NDUFA9: variants seen among roughly 807,000 people sequenced by gnomAD.
The protein encoded by NDUFA9 is NADH dehydrogenase [ubiquinone] 1 alpha subcomplex subunit 9, mitochondrial.
NDUFA9 carries 23 observed loss-of-function variants against 45.9 expected under a neutral mutation model. The ratio of observed to expected loss-of-function variants is 0.50; its 90% CI spans 0.36 to 0.71. The LOEUF (loss-of-function observed/expected upper bound fraction) is 0.71, where lower values mean the gene tolerates loss of function less well. Ranked by LOEUF, NDUFA9 falls within the 30% of genes least tolerant of loss-of-function variation. The pLI, the probability that NDUFA9 is intolerant of heterozygous loss-of-function variation, is 0.00. For synonymous variants in NDUFA9, 176 were observed against 170.5 expected, an observed-to-expected ratio of 1.03 and a Z score of -0.25; for missense variants, 466 against 488.2, an observed-to-expected ratio of 0.95 and a Z score of 0.43.
chr12:4,666,419 G>A (rs2137472276), intron 6 of NDUFA9, among the ~76,000 whole-genome samples: 1 of 152,170 alleles, frequency 6.6e-6, no homozygotes, highest in East Asian at 1.9e-4. Context: ...TTTTACTTTT[G>A]TTGCCTGTGC....
chr12:4,651,508 T>TA (rs201830079), intron 1 of NDUFA9, among the ~76,000 whole-genome samples: 19 of 151,052 alleles, frequency 1.3e-4, no homozygotes, highest in South Asian at 6.3e-4. Context: ...CCATAATTAT[T>TA]AAAAAAAAAC....
Position 4,693,286 on chromosome 12 carries a change from G to T in NDUFA9, c.*6178G>T, listed in dbSNP as rs1197875976. On this transcript the variant is annotated 3_prime_UTR_variant, in exon 11 of 11. Transcript: ENST00000266544. The stretch of plus-strand genomic sequence containing the variant: ...CTCCATCGGACCCCAAATTGTTCTG[G>T]TCTTGTTCAGGTAATAATTTTAATT... 6.6e-6 allele frequency: 1 copy of T among 151,990 alleles called. No individual in the cohort carries two copies. The highest frequency in any genetic ancestry group is 1.5e-5 in the Non-Finnish European group (1 of 68,030). 9.4% of individuals were successfully genotyped at this position (151,990 alleles called of 1,614,324 possible).
In NDUFA9 at chr12:4,692,558, T is replaced by G. The variant is rs1282769308; in HGVS notation, c.*5450T>G. On this transcript the variant is annotated 3_prime_UTR_variant, in exon 11 of 11. Transcript: ENST00000266544. ...GCAATACAAGAATGGCCTAATCGTGTTAGGAAGAAGCCTGTCTGAAGTGCA... is the reference window on the plus strand; with the variant it reads ...GCAATACAAGAATGGCCTAATCGTGGTAGGAAGAAGCCTGTCTGAAGTGCA... The G allele has an allele frequency of 6.6e-6, 1 of 152,124 alleles. No homozygotes were observed. Among genetic ancestry groups the G allele is most frequent in the Non-Finnish European group, 1.5e-5 (1 of 68,026 alleles). 9.4% of individuals were successfully genotyped at this position (152,124 alleles called of 1,614,324 possible). A position where few individuals can be genotyped will look rare whatever the true frequency, so the allele number is the denominator to read the frequency against.
At chr12:4,686,767 T>C (rs1945989116) in intron 10 of NDUFA9, among the ~76,000 whole-genome samples, 171 bp from the exon 11 acceptor site, 1 of 152,206 alleles carries the variant, frequency 6.6e-6, no homozygotes, top group Admixed American at 6.5e-5. Context: ...TCTTTGTGTG[T>C]TCTGCTTTTA....
chr12:4,668,156 G>A (rs558467536), intron 6 of NDUFA9, among the ~76,000 whole-genome samples: 2 of 152,308 alleles, frequency 1.3e-5, no homozygotes, highest in South Asian at 4.1e-4. Context: ...TAGAATGGGT[G>A]CAGCTAGAGT....
At chr12:4,669,454 A>G (rs1289163711) in intron 7 of NDUFA9, among the ~76,000 whole-genome samples, 1 of 152,232 alleles carries the variant, frequency 6.6e-6, no homozygotes, top group Non-Finnish European at 1.5e-5. Context: ...CATTCCTACT[A>G]CAGAAAATAC....
chr12:4,659,001 G>T, intron 4 of NDUFA9, 35 bp from the exon 5 acceptor site: 2 of 1,595,790 alleles, frequency 1.3e-6, no homozygotes, highest in Non-Finnish European at 1.7e-6. Flanking sequence ...TGTGTGTGGA[G>T]TTCTTAACCA....
rs561077872 is a variant in NDUFA9 at position 4,663,888 on chromosome 12, A to T, written c.655+1253A>T. On this transcript the variant is annotated intron_variant, in intron 6 of 10. Coordinates refer to ENST00000266544, the MANE Select transcript of NDUFA9 (RefSeq NM_005002.5). ...TTAAGGGTGATTTTTGTAAGGTCTC[A>T]GATGGAAATGAGTAAGATGTCATTG... Among the ~76,000 whole-genome samples the T allele has an allele frequency of 7.9e-5, 12 of 152,318 alleles. 1 individual carries two copies. Among genetic ancestry groups the T allele is most frequent in the Admixed American group, 7.2e-4 (11 of 15,304 alleles).
At chr12:4,673,517 A>C (rs1290971712) in intron 8 of NDUFA9, among the ~76,000 whole-genome samples, 1 of 152,240 alleles carries the variant, frequency 6.6e-6, no homozygotes, top group Non-Finnish European at 1.5e-5. Flanking sequence ...CAGCACGAGA[A>C]CTTTGTGAAG....
At chr12:4,658,084 T>C (rs537123389) in intron 4 of NDUFA9, among the ~76,000 whole-genome samples, 1 of 152,320 alleles carries the variant, frequency 6.6e-6, no homozygotes, top group African/African-American at 2.4e-5. Flanking sequence ...TTGGTGTGGC[T>C]GCTGTTGGTC....
At chr12:4,671,839 A>T (rs978775920) in intron 8 of NDUFA9, among the ~76,000 whole-genome samples, 2 of 152,200 alleles carry the variant, frequency 1.3e-5, no homozygotes, top group Admixed American at 1.3e-4. Context: ...TGGTTTTGGG[A>T]TATCCACATT....
At chr12:4,676,912 T>C (rs1945923218) in intron 8 of NDUFA9, among the ~76,000 whole-genome samples, 1 of 152,208 alleles carries the variant, frequency 6.6e-6, no homozygotes, top group Non-Finnish European at 1.5e-5. Flanking sequence ...ACTACAAGGC[T>C]ACAGTAACCA....
intron 8 of NDUFA9, among the ~76,000 whole-genome samples, chr12:4,671,092 C>T (rs943107786): frequency 2.6e-5 from 4 of 152,194 alleles, no homozygotes; most frequent in African/African-American, 9.7e-5. Flanking sequence ...TTTCTCATCT[C>T]TTCAGCCCCA....
At position 4,687,956 on chromosome 12, in the gene NDUFA9, C is replaced by A. The variant is rs1945997846; in HGVS notation, c.*848C>A. On this transcript the variant is annotated 3_prime_UTR_variant, in exon 11 of 11. Transcript: ENST00000266544. ...GGGTTGGTCATTGTGTTTCACTGGA[C>A]TTCAGCCTCCTGATCTATATTTGGG... 6.6e-6 allele frequency: 1 copy of A among 152,242 alleles called. No individual in the cohort carries two copies. The highest frequency in any genetic ancestry group is 2.1e-4 in the South Asian group (1 of 4,832). 9.4% of individuals were successfully genotyped at this position (152,242 alleles called of 1,614,324 possible). A position where few individuals can be genotyped will look rare whatever the true frequency, so the allele number is the denominator to read the frequency against.
intron 8 of NDUFA9, among the ~76,000 whole-genome samples, chr12:4,670,033 A>G (rs1945876786): frequency 6.6e-6 from 1 of 152,196 alleles, no homozygotes. Flanking sequence ...ACTATTACAT[A>G]TACTTAGTCC....
At chr12:4,665,514 T>A (rs780993405) in intron 6 of NDUFA9, among the ~76,000 whole-genome samples, 9 of 152,258 alleles carry the variant, frequency 5.9e-5, no homozygotes, top group Non-Finnish European at 7.3e-5. Context: ...TTCCCACTTT[T>A]GGCTATTGTG....
intron 10 of NDUFA9, among the ~76,000 whole-genome samples, chr12:4,686,015 A>G (rs1455267424): frequency 2.6e-5 from 4 of 152,252 alleles, no homozygotes; most frequent in African/African-American, 7.2e-5. Flanking sequence ...CTTAGGGAAC[A>G]TGTGGAAGTG....
At chr12:4,680,835 A>G (rs1565571982) in intron 8 of NDUFA9, among the ~76,000 whole-genome samples, 1 of 152,236 alleles carries the variant, frequency 6.6e-6, no homozygotes, top group Non-Finnish European at 1.5e-5. Context: ...GAAGCATGCA[A>G]ATGAATTAGG....
intron 1 of NDUFA9, among the ~76,000 whole-genome samples, chr12:4,649,982 C>T (rs1413734997): frequency 2.0e-5 from 3 of 152,180 alleles, no homozygotes; most frequent in Non-Finnish European, 1.5e-5. Context: ...TCTACTCTTC[C>T]ACAAACATAT....
Sources: allele counts gnomAD v4.1 joint callset (sites outside exome capture counted in the v4.1 genomes callset), GRCh38; gene constraint gnomAD v4.1.1; transcripts MANE v1.5; gene names NCBI Gene and HGNC (gene_info 2026-07-23, HGNC 2026-07-21).